The following PRMT8 variants were observed in gnomAD, a reference collection of about 807,000 sequenced individuals.
PRMT8 encodes the protein protein arginine methyltransferase 8, also known as protein arginine N-methyltransferase 8.
A neutral mutation model predicts 47.1 loss-of-function variants in PRMT8; 7 were observed. The ratio of observed to expected loss-of-function variants is 0.15; its 90% CI spans 0.08 to 0.28. The LOEUF (loss-of-function observed/expected upper bound fraction) is 0.28, where lower values mean the gene tolerates loss of function less well. Among genes scored for constraint, PRMT8 ranks in the 10% least tolerant of loss-of-function variants. The pLI is 1.00. For synonymous variants in PRMT8, 188 were observed against 186.5 expected (o/e 1.01, Z -0.07); for missense variants, 237 against 505.4 (o/e 0.47, Z 5.09).
chr12:3,584,741 G>A (rs1349138763), intron 8 of PRMT8, among the ~76,000 whole-genome samples: 1 of 151,988 alleles, frequency 6.6e-6, no homozygotes, highest in African/African-American at 2.4e-5. Flanking sequence ...CCTCTTTTTT[G>A]GCTTTTTATT....
chr12:3,490,673 CAAAG>C (rs1257719008), upstream of PRMT8, among the ~76,000 whole-genome samples: 5 of 65,172 alleles, frequency 7.7e-5, no homozygotes, highest in Admixed American at 2.2e-4. Context: ...GCTTTGGGTA[CAAAG>C]AGAGAGAGAG....
At chr12:3,497,720 TC>T (rs34005789) in intron 1 of PRMT8, among the ~76,000 whole-genome samples, 22,365 of 152,200 alleles carry the variant, frequency 0.15, 1,791 homozygotes, top group Non-Finnish European at 0.16. Context: ...TTATAAGAAT[TC>T]CCTCAAGCAT....
At chr12:3,430,675 T>G (rs1156287731) in intron 1 of PRMT8, among the ~76,000 whole-genome samples, 2 of 152,234 alleles carry the variant, frequency 1.3e-5, no homozygotes, top group African/African-American at 4.8e-5. Context: ...TTCTCAACCT[T>G]TCTAGTTTGG....
chr12:3,451,672 G>A (rs1864920438), intron 1 of PRMT8, among the ~76,000 whole-genome samples: 4 of 152,278 alleles, frequency 2.6e-5, no homozygotes, highest in South Asian at 2.1e-4. Context: ...TTGGTTAGCC[G>A]AGAGAGCTAT....
At chr12:3,392,497 T>G (rs1426022642) in intron 1 of PRMT8, among the ~76,000 whole-genome samples, 2 of 151,364 alleles carry the variant, frequency 1.3e-5, no homozygotes, top group Non-Finnish European at 2.9e-5. Context: ...TTACTGAGAA[T>G]GATGATTTCC....
intron 4 of PRMT8, among the ~76,000 whole-genome samples, chr12:3,561,049 C>T (rs943438847): frequency 6.6e-6 from 1 of 152,200 alleles, no homozygotes; most frequent in African/African-American, 2.4e-5. Context: ...GACAGTAATC[C>T]TCTGTGCTTT....
chr12:3,442,751 C>T (rs535020218), intron 1 of PRMT8, among the ~76,000 whole-genome samples: 15 of 152,254 alleles, frequency 9.9e-5, no homozygotes, highest in South Asian at 4.2e-4. Context: ...CTCCACCTCC[C>T]GGATTCAAGT....
At chr12:3,459,176 A>C (rs1865009532) in intron 1 of PRMT8, among the ~76,000 whole-genome samples, 1 of 152,200 alleles carries the variant, frequency 6.6e-6, no homozygotes, top group Admixed American at 6.5e-5. Context: ...TAGAAAAATC[A>C]GAACTTCTGG....
At chr12:3,517,356 G>A (rs373940728) in intron 1 of PRMT8, among the ~76,000 whole-genome samples, 4 of 152,284 alleles carry the variant, frequency 2.6e-5, no homozygotes, top group African/African-American at 9.6e-5. Flanking sequence ...TGGCCGAGAG[G>A]GGAGACACAT....
At chr12:3,524,053 C>T (rs1481351666) in intron 1 of PRMT8, among the ~76,000 whole-genome samples, 3 of 152,128 alleles carry the variant, frequency 2.0e-5, no homozygotes, top group East Asian at 1.9e-4. Context: ...CCAATTGCAC[C>T]GGAACTTGTG....
At chr12:3,496,214 A>ATATATATATATATTTT in intron 1 of PRMT8, among the ~76,000 whole-genome samples, 2 of 27,774 alleles carry the variant, frequency 7.2e-5, no homozygotes, top group African/African-American at 1.8e-4. Flanking sequence ...ATATATATAT[A>ATATATATATATATTTT]TTTTTTTTTT....
chr12:3,419,050 T>C (rs555867556), intron 1 of PRMT8, among the ~76,000 whole-genome samples: 25 of 152,332 alleles, frequency 1.6e-4, no homozygotes, highest in South Asian at 4.1e-4. Context: ...CACAGACGTT[T>C]TGTGGATGGT....
intron 1 of PRMT8, among the ~76,000 whole-genome samples, chr12:3,440,565 G>A (rs1864790166): frequency 6.6e-6 from 1 of 152,074 alleles, no homozygotes; most frequent in South Asian, 2.1e-4. Flanking sequence ...TCACATCACA[G>A]CTATGTTACT....
At chr12:3,432,158 GCCT>G (rs1693136606) in intron 1 of PRMT8, among the ~76,000 whole-genome samples, 1 of 152,220 alleles carries the variant, frequency 6.6e-6, no homozygotes, top group Non-Finnish European at 1.5e-5. Context: ...TTGGGCAGAG[GCCT>G]GGTGTGGCTG....
rs886897334 is a variant in PRMT8 at position 3,552,490 on chromosome 12, C to T, written c.418-1161C>T. The T allele has an allele frequency of 5.8e-5, 17 of 295,088 alleles. No homozygotes were observed. Among genetic ancestry groups the T allele is most frequent in the Admixed American group, 8.5e-5 (2 of 23,620 alleles). The allele number at this position is 295,088 out of a possible 1,614,324, so 18.3% of individuals were successfully genotyped here. ...GCCTGGCTCCGGGTCGCATGCTCCT[C>T]ATCACTCAACATGGTCGCCTCTTGC... On this transcript the variant is annotated intron_variant, in intron 3 of 9. Coordinates refer to ENST00000382622, the MANE Select transcript of PRMT8 (RefSeq NM_019854.5). The surrounding 1 kb of genome is among the most constrained non-coding windows in gnomAD (Gnocchi z 4.5).
chr12:3,553,127 T>C, intron 3 of PRMT8: 1 of 199,156 alleles, frequency 5.0e-6, no homozygotes, highest in Non-Finnish European at 1.0e-5. Flanking sequence ...CGGCGAGAGC[T>C]AACGTGGGGG....
At position 3,514,369 on chromosome 12, in the gene PRMT8, AGC is replaced by A. The variant is rs1344861185; in HGVS notation, c.75+22670_75+22671del. Among the ~76,000 whole-genome samples, 1 of 152,132 alleles carries A rather than the reference AGC, an allele frequency of 6.6e-6. No homozygotes were observed. Among genetic ancestry groups the A allele is most frequent in the African/African-American group, 2.4e-5 (1 of 41,436 alleles). On this transcript the variant is annotated intron_variant, in intron 1 of 9. Coordinates refer to ENST00000382622, the MANE Select transcript of PRMT8 (RefSeq NM_019854.5). This position sits in a 1 kb window ranked among gnomAD's most constrained non-coding sequence, Gnocchi z 5.9. ...TCTGGCTCACCTTGTGGGGGATGCCAGCACCAGATTGCTGTTGGGGTGTGGCT... is the reference window on the plus strand; with the variant it reads ...TCTGGCTCACCTTGTGGGGGATGCCAACCAGATTGCTGTTGGGGTGTGGCT...
chr12:3,592,852 C>T (rs11062733), intron 9 of PRMT8, among the ~76,000 whole-genome samples: 22,245 of 152,232 alleles, frequency 0.15, 1,670 homozygotes, highest in Non-Finnish European at 0.16. Flanking sequence ...ACTTCCAGGA[C>T]GAACTCGGAA....
intron 1 of PRMT8, among the ~76,000 whole-genome samples, chr12:3,423,107 A>G (rs1474706802): frequency 6.6e-6 from 1 of 152,238 alleles, no homozygotes; most frequent in East Asian, 1.9e-4. Flanking sequence ...TTTTTCAAAC[A>G]TGGCCCCAGG....
Sources: gnomAD v4.1 joint callset for allele counts (sites outside exome capture counted in the v4.1 genomes callset) on GRCh38, gnomAD v4.1.1 for gene constraint, Gnocchi (gnomAD v3.1) non-coding constraint, MANE v1.5 for transcripts, NCBI Gene and HGNC (gene_info 2026-07-23, HGNC 2026-07-21) for gene names.